Variants in RBM20 observed in about 807,000 individuals in gnomAD.
The protein encoded by RBM20 is RNA-binding protein 20.
In RBM20, 51 loss-of-function variants were observed where a neutral mutation model predicts 110.1. That is an observed-to-expected ratio of 0.46 (90% CI 0.37 to 0.59). The LOEUF (loss-of-function observed/expected upper bound fraction) is 0.59, where lower values mean the gene tolerates loss of function less well. Among genes scored for constraint, RBM20 ranks in the 20% least tolerant of loss-of-function variants. The pLI is 0.00. For synonymous variants in RBM20, 589 were observed against 618.2 expected (o/e 0.95, Z 0.70); for missense variants, 1,512 against 1,574.9 (o/e 0.96, Z 0.68).
At chr10:110,663,559 A>C (rs995979276) in intron 1 of RBM20, among the ~76,000 whole-genome samples, 2 of 152,240 alleles carry the variant, frequency 1.3e-5, no homozygotes, top group African/African-American at 4.8e-5. Flanking sequence ...AGTGGGTCAG[A>C]GGTAGAAGCT....
intron 1 of RBM20, among the ~76,000 whole-genome samples, chr10:110,714,931 C>A (rs1158982641): frequency 6.6e-6 from 1 of 152,138 alleles, no homozygotes; most frequent in Non-Finnish European, 1.5e-5. Flanking sequence ...AAAATAATAT[C>A]TGTAATCCAA....
At chr10:110,656,583 A>G (rs907747763) in intron 1 of RBM20, among the ~76,000 whole-genome samples, 3 of 152,176 alleles carry the variant, frequency 2.0e-5, no homozygotes, top group African/African-American at 7.2e-5. Context: ...AAATGGTTGC[A>G]TTGCCTCAAA....
chr10:110,730,064 C>T (rs542976594), intron 1 of RBM20, among the ~76,000 whole-genome samples: 7 of 152,144 alleles, frequency 4.6e-5, no homozygotes, highest in Admixed American at 6.5e-5. Flanking sequence ...GTGATCCACC[C>T]GCCTTGACCT....
At chr10:110,741,885 C>A (rs910015275) in intron 1 of RBM20, among the ~76,000 whole-genome samples, 2 of 152,144 alleles carry the variant, frequency 1.3e-5, no homozygotes, top group Admixed American at 6.5e-5. Context: ...GCCCACTTCC[C>A]ACCCAGTGTG....
chr10:110,697,209 G>A (rs1269208397), intron 1 of RBM20, among the ~76,000 whole-genome samples: 2 of 152,138 alleles, frequency 1.3e-5, no homozygotes, highest in Non-Finnish European at 2.9e-5. Context: ...CTGGGCTCGT[G>A]AACCTCAGCA....
Position 110,836,956 on chromosome 10 carries a change from T to C in RBM20, c.*978T>C, listed in dbSNP as rs1845139095. 6.6e-6 allele frequency: 1 copy of C among 152,276 alleles called. No individual in the cohort carries two copies. Among genetic ancestry groups the C allele is most frequent in the Non-Finnish European group, 1.5e-5 (1 of 68,064 alleles). The allele number at this position is 152,276 out of a possible 1,614,324, so 9.4% of individuals were successfully genotyped here. ...CTCCAGGCTGTGGAAAACAGAGTTG[T>C]CTTGGGGGTTAAATGAGCTTATTTA... On this transcript the variant is annotated 3_prime_UTR_variant, in exon 14 of 14. Transcript: ENST00000369519.
chr10:110,824,230 A>T (rs1391352263), intron 12 of RBM20, among the ~76,000 whole-genome samples: 2 of 152,180 alleles, frequency 1.3e-5, no homozygotes, highest in African/African-American at 2.4e-5. Flanking sequence ...GGAGTCTTTA[A>T]GCCTAGCCTT....
intron 1 of RBM20, among the ~76,000 whole-genome samples, chr10:110,729,680 T>C (rs1843600176): frequency 6.6e-6 from 1 of 152,170 alleles, no homozygotes; most frequent in Admixed American, 6.5e-5. Flanking sequence ...TAGAGAACAC[T>C]GGCCCTTGTA....
chr10:110,816,303 A>ACC (rs1564662636), intron 9 of RBM20, among the ~76,000 whole-genome samples: 1 of 105,726 alleles, frequency 9.5e-6, no homozygotes, highest in Non-Finnish European at 2.0e-5. Flanking sequence ...ACCCCACCCA[A>ACC]CCCCCTCACC....
intron 9 of RBM20, among the ~76,000 whole-genome samples, chr10:110,819,701 A>G (rs1488067873): frequency 6.6e-6 from 1 of 152,146 alleles, no homozygotes; most frequent in South Asian, 2.1e-4. Flanking sequence ...TGTCACCGTG[A>G]TGGTTAACCC....
At chr10:110,695,907 G>A (rs1862655543) in intron 1 of RBM20, among the ~76,000 whole-genome samples, 4 of 152,160 alleles carry the variant, frequency 2.6e-5, no homozygotes, top group Admixed American at 1.3e-4. Context: ...TTTGTTAAAC[G>A]AGTCACTGAA....
Position 110,711,564 on chromosome 10 carries a change from G to A in RBM20, c.191+66919G>A, listed in dbSNP as rs779009527. ...AATTGCAAGTGACTGAAAAGTCAAC[G>A]GATGACTTTAAGGAAGTCCCCACTA... On this transcript the variant is annotated intron_variant, in intron 1 of 13. Transcript: ENST00000369519. 5.9e-5 allele frequency among the ~76,000 whole-genome samples: 9 copies of A among 152,116 alleles called. No individual in the cohort carries two copies. The East Asian group carries it at 9.6e-4, about 16-fold the overall frequency.
chr10:110,656,016 G>T (rs1862021944), intron 1 of RBM20, among the ~76,000 whole-genome samples: 1 of 151,668 alleles, frequency 6.6e-6, no homozygotes, highest in Non-Finnish European at 1.5e-5. Context: ...AATAAACATT[G>T]TTGGCTGGGT....
intron 1 of RBM20, among the ~76,000 whole-genome samples, chr10:110,676,497 G>A (rs1162271045): frequency 6.6e-6 from 1 of 152,164 alleles, no homozygotes; most frequent in Non-Finnish European, 1.5e-5. Flanking sequence ...TCTAACTATC[G>A]CTCTCAGAAT....
At chr10:110,831,688 A>AC (rs1845057978) in intron 13 of RBM20, among the ~76,000 whole-genome samples, 1 of 151,828 alleles carries the variant, frequency 6.6e-6, no homozygotes, top group East Asian at 1.9e-4. Flanking sequence ...AAAAAAAAAA[A>AC]AAACACTGCT....
intron 1 of RBM20, 48 bp from the exon 2 acceptor site, chr10:110,780,753 C>T: frequency 6.8e-7 from 1 of 1,467,288 alleles, no homozygotes; most frequent in Non-Finnish European, 9.0e-7. Flanking sequence ...GCCCCTTGCC[C>T]CCCTCATTGA....
intron 1 of RBM20, among the ~76,000 whole-genome samples, chr10:110,778,833 C>G (rs1330931825): frequency 6.6e-6 from 1 of 152,208 alleles, no homozygotes; most frequent in Non-Finnish European, 1.5e-5. Context: ...GTTTCCAGAC[C>G]ATGCACACTG....
At chr10:110,661,358 G>A (rs1263388765) in intron 1 of RBM20, among the ~76,000 whole-genome samples, 3 of 152,196 alleles carry the variant, frequency 2.0e-5, no homozygotes, top group Non-Finnish European at 4.4e-5. Flanking sequence ...AGTTGCCAGT[G>A]TAGCCAGAAC....
rs752839363 is a variant in RBM20, at chr10:110,781,623, G to A, written c.1014G>A (p.Met338Ile). The A allele has an allele frequency of 1.3e-6, 2 of 1,550,482 alleles. No homozygotes were observed. Among genetic ancestry groups the A allele is most frequent in the Middle Eastern group, 1.7e-4 (1 of 5,988 alleles). ...AGCCTGATCTCACAGCAGGTCCCAT[G>A]TGGCCTCCACCCCACAACCAGCCCT... ...QSKPDLTAGP[M>I]WPPPHNQPYE... The change falls in exon 2 of 14, where the codon ATG becomes ATA. Residue 338 changes from methionine to isoleucine, a missense_variant. By Grantham distance (10) the Met-to-Ile change is conservative (BLOSUM62 1). Transcript: ENST00000369519.
Sources: gnomAD v4.1 joint callset for allele counts (sites outside exome capture counted in the v4.1 genomes callset) on GRCh38, gnomAD v4.1.1 for gene constraint, MANE v1.5 for transcripts, NCBI Gene and HGNC (gene_info 2026-07-23, HGNC 2026-07-21) for gene names.